SFI1: variants seen among roughly 807,000 people sequenced by gnomAD.
SFI1 encodes protein SFI1 homolog.
A neutral mutation model predicts 207.5 loss-of-function variants in SFI1; 195 were observed. That is an observed-to-expected ratio of 0.94 (90% CI 0.84 to 1.06). The LOEUF (loss-of-function observed/expected upper bound fraction) is 1.06. Ranked by LOEUF, SFI1 falls within the 50% of genes least tolerant of loss-of-function variation. The pLI is 0.00. For synonymous variants in SFI1, 630 were observed against 598.9 expected, an observed-to-expected ratio of 1.05 and a Z score of -0.76; for missense variants, 1,634 against 1,588.0, an observed-to-expected ratio of 1.03 and a Z score of -0.49.
chr22:31,520,517 A>T (rs570539085), intron 2 of SFI1, among the ~76,000 whole-genome samples: 1 of 152,128 alleles, frequency 6.6e-6, no homozygotes, highest in Non-Finnish European at 1.5e-5. Context: ...CAAGTGTGCA[A>T]TTCAATGGCT....
chr22:31,499,877 A>G (rs1034579065), intron 1 of SFI1, among the ~76,000 whole-genome samples: 2 of 150,148 alleles, frequency 1.3e-5, no homozygotes, highest in African/African-American at 4.9e-5. Context: ...AGTCCCAGCT[A>G]CTCCAGAGGC....
At position 31,592,851 on chromosome 22, in the gene SFI1, G is replaced by A. The variant is rs532887140; in HGVS notation, c.1544+3274G>A. Among the ~76,000 whole-genome samples, 469 of 129,038 alleles carry A rather than the reference G, an allele frequency of 3.6e-3. 42 individuals are homozygous for A. Among genetic ancestry groups the A allele is most frequent in the African/African-American group, 0.016 (457 of 28,338 alleles). The allele number at this position is 129,038 out of a possible 152,430, so 84.7% of individuals were successfully genotyped here. On this transcript the variant is annotated intron_variant, in intron 15 of 32. Coordinates refer to ENST00000400288, the MANE Select transcript of SFI1 (RefSeq NM_001007467.3). ...TCCCGGACGGGGCGGCTGGCCAGGCGGGGGGGCTGACCCCCCCATCTCCCT... is the reference window on the plus strand; with the variant it reads ...TCCCGGACGGGGCGGCTGGCCAGGCAGGGGGGCTGACCCCCCCATCTCCCT...
intron 26 of SFI1, 25 bp from the exon 27 acceptor site, chr22:31,613,577 G>C: frequency 6.3e-7 from 1 of 1,577,330 alleles, no homozygotes; most frequent in Non-Finnish European, 8.6e-7. Context: ...GGTGTGGCAT[G>C]AGCTGACCAG....
intron 9 of SFI1, 116 bp from the exon 10 acceptor site, chr22:31,575,100 GTGTGTGTGTGTGTGT>G: frequency 3.0e-6 from 1 of 338,232 alleles, no homozygotes; most frequent in Non-Finnish European, 4.6e-6. Flanking sequence ...GTGTGTGTGT[GTGTGTGTGTGTGTGT>G]GTGTGTGGCC....
At chr22:31,559,785 G>A in intron 7 of SFI1, 1 of 732,740 alleles carries the variant, frequency 1.4e-6, no homozygotes, top group Non-Finnish European at 2.5e-6. Flanking sequence ...CTAGCCAGTG[G>A]TCTGGACAAG....
intron 17 of SFI1, among the ~76,000 whole-genome samples, chr22:31,603,267 C>T (rs560612272): frequency 6.6e-6 from 1 of 152,272 alleles, no homozygotes; most frequent in African/African-American, 2.4e-5. Context: ...AGGGAATAAA[C>T]TGATGGGCCC....
chr22:31,603,730 C>T lies in SFI1; in HGVS notation c.1806-14C>T. The stretch of plus-strand genomic sequence containing the variant: ...GTGGGGGCTGCAGCACTGAGCTCTG[C>T]CATCTCCCCACAGGAGGACGGGCAG... On this transcript the variant is annotated splice_polypyrimidine_tract_variant and intron_variant, in intron 17 of 32. Transcript: ENST00000400288. 2 of 1,521,506 alleles carry T rather than the reference C, an allele frequency of 1.3e-6. No individual in the cohort carries two copies. The highest frequency in any genetic ancestry group is 1.7e-6 in the Non-Finnish European group (2 of 1,146,980). 94.3% of individuals were successfully genotyped at this position (1,521,506 alleles called of 1,614,324 possible).
At chr22:31,579,613 C>G (rs1413760252) in intron 11 of SFI1, among the ~76,000 whole-genome samples, 1 of 152,100 alleles carries the variant, frequency 6.6e-6, no homozygotes, top group Non-Finnish European at 1.5e-5. Context: ...CCACGCCCGG[C>G]CTAATTTTTT....
At chr22:31,598,856 C>T (rs1408979986) in intron 15 of SFI1, among the ~76,000 whole-genome samples, 2 of 137,492 alleles carry the variant, frequency 1.5e-5, no homozygotes, top group Admixed American at 7.5e-5. Flanking sequence ...TGCAGTGGCA[C>T]GATCTCAGCT....
At position 31,615,042 on chromosome 22, in the gene SFI1, G is replaced by A. The variant is rs2147397094; in HGVS notation, c.3069-6G>A. The A allele has an allele frequency of 6.2e-7, 1 of 1,611,666 alleles. No individual in the cohort carries two copies. Among genetic ancestry groups the A allele is most frequent in the South Asian group, 1.1e-5 (1 of 90,964 alleles). On this transcript the variant is annotated splice_polypyrimidine_tract_variant and splice_region_variant and intron_variant, in intron 28 of 32. Coordinates refer to ENST00000400288, the MANE Select transcript of SFI1 (RefSeq NM_001007467.3). ...CTGACCAGGCTCTTGCCTTCCCTGT[G>A]CTCAGGCCTCAGAAGCCACAGGAAC... is the stretch of plus-strand genomic sequence containing the variant.
intron 18 of SFI1, among the ~76,000 whole-genome samples, chr22:31,604,096 CAT>C (rs538601329): frequency 1.0e-3 from 155 of 152,318 alleles, no homozygotes; most frequent in Non-Finnish European, 1.9e-3. Context: ...GAGTGTAAAA[CAT>C]GTTTAAACTC....
At chr22:31,587,146 A>T (rs1051203748) in intron 14 of SFI1, among the ~76,000 whole-genome samples, 1 of 152,218 alleles carries the variant, frequency 6.6e-6, no homozygotes, top group Non-Finnish European at 1.5e-5. Flanking sequence ...TACTGAACAT[A>T]TTCAGACCTT....
At chr22:31,568,163 A>C (rs60614175) in intron 8 of SFI1, among the ~76,000 whole-genome samples, 77 of 115,800 alleles carry the variant, frequency 6.6e-4, no homozygotes, top group African/African-American at 2.5e-3. Flanking sequence ...CTCTATATAT[A>C]TATGTGTGTG....
At chr22:31,497,213 A>T (rs2052829984) in intron 1 of SFI1, 1 of 152,226 alleles carries the variant, frequency 6.6e-6, no homozygotes, top group African/African-American at 2.4e-5. Flanking sequence ...GAGGGACTTG[A>T]GTACAGCCAT....
intron 2 of SFI1, among the ~76,000 whole-genome samples, chr22:31,522,161 G>C (rs987561190): frequency 1.4e-5 from 2 of 140,516 alleles, no homozygotes; most frequent in Non-Finnish European, 3.0e-5. Flanking sequence ...TCCACCTCAC[G>C]GGTTCAAGCT....
upstream of SFI1, chr22:31,496,216 G>C (rs1010318775): frequency 6.6e-6 from 1 of 152,224 alleles, no homozygotes; most frequent in East Asian, 1.9e-4. Context: ...GCCGCGGGCG[G>C]CGTAACTCGG....
At chr22:31,618,064 G>A (rs1603385585) in intron 31 of SFI1, 51 bp from the exon 32 acceptor site, 4 of 1,529,178 alleles carry the variant, frequency 2.6e-6, no homozygotes, top group Non-Finnish European at 3.5e-6. Flanking sequence ...AGCCGGATGG[G>A]GCTCTGCCAA....
At chr22:31,537,207 A>G (rs1300694074) in intron 4 of SFI1, among the ~76,000 whole-genome samples, 2 of 152,148 alleles carry the variant, frequency 1.3e-5, no homozygotes, top group Non-Finnish European at 2.9e-5. Flanking sequence ...TTGCAAGATG[A>G]CTATTCTAGC....
intron 10 of SFI1, among the ~76,000 whole-genome samples, chr22:31,576,430 C>T (rs2063513470): frequency 6.6e-6 from 1 of 151,924 alleles, no homozygotes; most frequent in Admixed American, 6.6e-5. Context: ...AAGTGATTGT[C>T]CTGTCTCAGC....
Sources: allele counts gnomAD v4.1 joint callset (sites outside exome capture counted in the v4.1 genomes callset), GRCh38; gene constraint gnomAD v4.1.1; transcripts MANE v1.5; gene names NCBI Gene and HGNC (gene_info 2026-07-23, HGNC 2026-07-21).